CADM2: variants seen among roughly 807,000 people sequenced by gnomAD.
The protein encoded by CADM2 is cell adhesion molecule 2.
A neutral mutation model predicts 49.8 loss-of-function variants in CADM2; 12 were observed. The ratio of observed to expected loss-of-function variants is 0.24; its 90% CI spans 0.15 to 0.39. CADM2 has a LOEUF of 0.39. Among genes scored for constraint, CADM2 ranks in the 10% least tolerant of loss-of-function variants. The probability of loss-of-function intolerance (pLI) is 1.00; values close to 1 mark genes in which losing one functional copy is unlikely to be tolerated. For missense variants in CADM2, 378 were observed against 492.3 expected, an observed-to-expected ratio of 0.77 and a Z score of 2.20; for synonymous variants, 214 against 175.4, an observed-to-expected ratio of 1.22 and a Z score of -1.74.
chr3:85,532,842 A>G (rs981280252), intron 1 of CADM2, among the ~76,000 whole-genome samples: 8 of 152,206 alleles, frequency 5.3e-5, no homozygotes, highest in African/African-American at 1.7e-4. Flanking sequence ...AAATGAGATA[A>G]TGTCCTTTGC....
At chr3:85,712,201 C>T (rs73845625) in intron 1 of CADM2, among the ~76,000 whole-genome samples, 1,818 of 152,144 alleles carry the variant, frequency 0.012, 44 homozygotes, top group African/African-American at 0.042. Context: ...TAATTTATTG[C>T]TTTGTATTCA....
At chr3:85,244,752 G>T (rs1195296494) in intron 1 of CADM2, among the ~76,000 whole-genome samples, 1 of 152,046 alleles carries the variant, frequency 6.6e-6, no homozygotes, top group Non-Finnish European at 1.5e-5. Context: ...ATATTTTTCT[G>T]TTGAATAAGT....
chr3:85,676,003 A>G (rs2065877040), intron 1 of CADM2, among the ~76,000 whole-genome samples: 1 of 152,190 alleles, frequency 6.6e-6, no homozygotes, highest in Admixed American at 6.5e-5. Context: ...TTTTAAAAAC[A>G]ATGAAGTATC....
intron 1 of CADM2, among the ~76,000 whole-genome samples, chr3:85,349,336 T>C (rs1434645157): frequency 6.6e-6 from 1 of 152,240 alleles, no homozygotes; most frequent in Non-Finnish European, 1.5e-5. Flanking sequence ...TTTCTTCGTG[T>C]GTTTGTATGT....
At chr3:86,056,686 T>C (rs1738030857) in intron 8 of CADM2, among the ~76,000 whole-genome samples, 1 of 152,222 alleles carries the variant, frequency 6.6e-6, no homozygotes, top group African/African-American at 2.4e-5. Context: ...TTGCACTTAC[T>C]GAAACAGTTT....
intron 1 of CADM2, among the ~76,000 whole-genome samples, chr3:85,203,736 G>T (rs2041566016): frequency 6.6e-6 from 1 of 152,134 alleles, no homozygotes; most frequent in Non-Finnish European, 1.5e-5. Flanking sequence ...AAACATGCCT[G>T]AATTGACCAT....
intron 1 of CADM2, among the ~76,000 whole-genome samples, chr3:85,171,350 T>C (rs2040620565): frequency 6.6e-6 from 1 of 152,230 alleles, no homozygotes; most frequent in Middle Eastern, 3.2e-3. Context: ...AAAAGAATCA[T>C]TGTTCTTTAC....
At chr3:85,215,609 C>T (rs1375344047) in intron 1 of CADM2, among the ~76,000 whole-genome samples, 1 of 151,938 alleles carries the variant, frequency 6.6e-6, no homozygotes, top group South Asian at 2.1e-4. Context: ...TCAGATGCAC[C>T]CCTAGTCCCC....
chr3:84,997,185 CT>C (rs1300552415), intron 1 of CADM2, among the ~76,000 whole-genome samples: 1 of 152,036 alleles, frequency 6.6e-6, no homozygotes, highest in Non-Finnish European at 1.5e-5. Flanking sequence ...ATTTTACTGC[CT>C]TCTGGAATGG....
At chr3:85,181,023 A>G (rs1465006235) in intron 1 of CADM2, among the ~76,000 whole-genome samples, 1 of 152,212 alleles carries the variant, frequency 6.6e-6, no homozygotes, top group Non-Finnish European at 1.5e-5. Flanking sequence ...TGAGAAAGTT[A>G]TAAGTAAAGT....
chr3:85,959,936 G>A (rs1275914142), intron 7 of CADM2, among the ~76,000 whole-genome samples: 1 of 151,846 alleles, frequency 6.6e-6, no homozygotes, highest in Non-Finnish European at 1.5e-5. Flanking sequence ...AGTAGCATAT[G>A]ACTGTATAAA....
Position 85,802,058 on chromosome 3 carries a change from C to A in CADM2, c.100C>A (p.Gln34Lys). The change falls in exon 3 of 10, where the codon CAG becomes AAG. Residue 34 changes from glutamine to lysine, a missense_variant. Coordinates refer to ENST00000383699, the MANE Select transcript of CADM2 (RefSeq NM_001167675.2). ...TAATCCCCTTTTAGGCAGCCAAGGG[C>A]AGTTTCCACTAACACAGAATGTAAC... ...SKNKVKGSQG[Q>K]FPLTQNVTVV... 6.2e-7 allele frequency: 1 copy of A among 1,608,792 alleles called. No individual in the cohort carries two copies. The highest frequency in any genetic ancestry group is 8.5e-7 in the Non-Finnish European group (1 of 1,177,402).
At chr3:85,017,152 A>C (rs1022133123) in intron 1 of CADM2, among the ~76,000 whole-genome samples, 3 of 152,220 alleles carry the variant, frequency 2.0e-5, no homozygotes, top group African/African-American at 7.2e-5. Context: ...GTATTTACTC[A>C]AAAGCAGTTG....
chr3:85,136,457 GAAC>G (rs982804254), intron 1 of CADM2, among the ~76,000 whole-genome samples: 1 of 151,668 alleles, frequency 6.6e-6, no homozygotes, highest in Non-Finnish European at 1.5e-5. Flanking sequence ...GCTATATTCT[GAAC>G]AACATGTTCA....
At chr3:85,795,261 TAA>T (rs2071554821) in intron 2 of CADM2, among the ~76,000 whole-genome samples, 1 of 152,118 alleles carries the variant, frequency 6.6e-6, no homozygotes, top group Non-Finnish European at 1.5e-5. Flanking sequence ...CATGAAGAGT[TAA>T]AAGATAAAGT....
rs149478941 is a variant in CADM2 at position 85,691,489 on chromosome 3, T to C, written c.62-35033T>C. Reference sequence around the variant, plus strand: ...AACAACAACTACCCTATAGGGTACATTAAAATATACTGCCTCTCTACTTTT... The same window carrying C: ...AACAACAACTACCCTATAGGGTACACTAAAATATACTGCCTCTCTACTTTT... On this transcript the variant is annotated intron_variant, in intron 1 of 9. Transcript: ENST00000383699. Among the ~76,000 whole-genome samples, 30 of 152,324 alleles carry C rather than the reference T, an allele frequency of 2.0e-4. 1 individual carries two copies. In the East Asian group the frequency reaches 5.2e-3, roughly 26 times the overall value.
In CADM2 at chr3:85,786,133, G is replaced by A. The variant is rs368808072; in HGVS notation, c.89-15914G>A. On this transcript the variant is annotated intron_variant, in intron 2 of 9. Coordinates refer to ENST00000383699, the MANE Select transcript of CADM2 (RefSeq NM_001167675.2). ...ATTTTGCAACTATTCTCCAGAATCT[G>A]CATTCATAAATTTAAATAATTAAAG... is the stretch of plus-strand genomic sequence containing the variant. 1.2e-3 allele frequency among the ~76,000 whole-genome samples: 176 copies of A among 152,038 alleles called. 1 individual carries two copies. Among genetic ancestry groups the A allele is most frequent in the African/African-American group, 4.0e-3 (166 of 41,510 alleles).
chr3:85,553,452 A>G (rs1335660998), intron 1 of CADM2, among the ~76,000 whole-genome samples: 2 of 152,248 alleles, frequency 1.3e-5, no homozygotes, highest in East Asian at 1.9e-4. Flanking sequence ...GAGCCATTGT[A>G]CTACACTATT....
rs757867248 is a variant in CADM2, at chr3:85,915,947, T to G, written c.700+3404T>G. The stretch of plus-strand genomic sequence containing the variant: ...CCTCTGATATTGTAGAAACCTAAGT[T>G]TGGTGAGCAATAAGAAATTAAAGAT... On this transcript the variant is annotated intron_variant, in intron 6 of 9. Coordinates refer to ENST00000383699, the MANE Select transcript of CADM2 (RefSeq NM_001167675.2). Among the ~76,000 whole-genome samples the G allele has an allele frequency of 1.6e-4, 25 of 152,202 alleles. 1 individual carries two copies. The highest frequency in any genetic ancestry group is 4.1e-4 in the South Asian group (2 of 4,822).
Sources: gnomAD v4.1 joint callset for allele counts (sites outside exome capture counted in the v4.1 genomes callset) on GRCh38, gnomAD v4.1.1 for gene constraint, MANE v1.5 for transcripts, NCBI Gene and HGNC (gene_info 2026-07-23, HGNC 2026-07-21) for gene names.